Variants in SAP130 observed in about 807,000 individuals in gnomAD.
The protein encoded by SAP130 is histone deacetylase complex subunit SAP130.
In SAP130, 16 loss-of-function variants were observed where a neutral mutation model predicts 103.2. The ratio of observed to expected loss-of-function variants is 0.16; its 90% CI spans 0.10 to 0.24. The LOEUF is 0.24. Among genes scored for constraint, SAP130 ranks in the 10% least tolerant of loss-of-function variants. SAP130 has a pLI of 1.00. For missense variants in SAP130, 990 were observed against 1,359.7 expected (o/e 0.73, Z 4.28); for synonymous variants, 477 against 497.0 (o/e 0.96, Z 0.53).
intron 12 of SAP130, among the ~76,000 whole-genome samples, chr2:127,990,942 A>G (rs1162575415): frequency 6.6e-6 from 1 of 150,902 alleles, no homozygotes; most frequent in Non-Finnish European, 1.5e-5. Flanking sequence ...CTGTCTCAAA[A>G]AAAAAAAAAA....
intron 2 of SAP130, among the ~76,000 whole-genome samples, chr2:128,025,157 T>C (rs1037003452): frequency 8.5e-5 from 13 of 152,306 alleles, no homozygotes; most frequent in South Asian, 4.1e-4. Flanking sequence ...ACTTAATACA[T>C]AGAGAAAAAG....
chr2:127,951,059 T>C (rs1232011177), intron 16 of SAP130, among the ~76,000 whole-genome samples: 4 of 152,222 alleles, frequency 2.6e-5, no homozygotes, highest in African/African-American at 7.2e-5. Context: ...GTAAAAATCA[T>C]CTGAATAAGT....
chr2:127,958,850 G>A (rs1002163933), intron 15 of SAP130, among the ~76,000 whole-genome samples: 1 of 152,062 alleles, frequency 6.6e-6, no homozygotes, highest in African/African-American at 2.4e-5. Flanking sequence ...GTAAAGGCGG[G>A]GTTTCACCAT....
intron 7 of SAP130, among the ~76,000 whole-genome samples, chr2:128,004,971 G>T (rs1037112038): frequency 1.3e-5 from 2 of 152,162 alleles, no homozygotes; most frequent in Non-Finnish European, 2.9e-5. Flanking sequence ...TCCAAAACAG[G>T]ATCTATTTAA....
chr2:128,019,416 T>C lies in SAP130; in HGVS notation c.113-1501A>G, dbSNP rs369684977. Among the ~76,000 whole-genome samples, 48 of 152,212 alleles carry C rather than the reference T, an allele frequency of 3.2e-4. 1 individual carries two copies. The South Asian group carries it at 6.4e-3, about 20-fold the overall frequency. On this transcript the variant is annotated intron_variant, in intron 2 of 20. Coordinates refer to ENST00000643581, the MANE Select transcript of SAP130 (RefSeq NM_001330301.2). ...CCAAGCAGCTAAGACTACAGGCACA[T>C]GCCACCACACCTGGCTAATTCTTTT... is the stretch of plus-strand genomic sequence containing the variant.
In SAP130 at chr2:127,942,403, A is replaced by G; in HGVS notation, c.3015+21T>C. On this transcript the variant is annotated intron_variant, in intron 20 of 20. Transcript: ENST00000643581. This position sits in a 1 kb window ranked among gnomAD's most constrained non-coding sequence, Gnocchi z 4.8. ...CAACTTCATAAAGTAGATGATCAGAAGGGAAGGGGCGCACTCAAACCTGTA... is the reference window on the plus strand; with the variant it reads ...CAACTTCATAAAGTAGATGATCAGAGGGGAAGGGGCGCACTCAAACCTGTA... The G allele has an allele frequency of 6.6e-7, 1 of 1,516,350 alleles. No homozygotes were observed. The highest frequency in any genetic ancestry group is 9.2e-7 in the Non-Finnish European group (1 of 1,091,036). The allele number at this position is 1,516,350 out of a possible 1,614,324, so 93.9% of individuals were successfully genotyped here.
chr2:127,975,242 T>C (rs1489527714), intron 15 of SAP130, among the ~76,000 whole-genome samples: 1 of 152,194 alleles, frequency 6.6e-6, no homozygotes, highest in Non-Finnish European at 1.5e-5. Context: ...ATCCTAGTGA[T>C]AAACCAATGT....
chr2:127,992,191 C>T (rs1270186189), intron 12 of SAP130, among the ~76,000 whole-genome samples: 2 of 151,876 alleles, frequency 1.3e-5, no homozygotes, highest in Non-Finnish European at 2.9e-5. Context: ...AGGCTGGTCT[C>T]AAACTTTTGG....
At chr2:127,946,139 A>G (rs1315386290) in intron 18 of SAP130, among the ~76,000 whole-genome samples, 2 of 152,092 alleles carry the variant, frequency 1.3e-5, no homozygotes, top group Non-Finnish European at 2.9e-5. Context: ...TGGTTCAAAC[A>G]TTTTGCCGGA....
Position 127,967,725 on chromosome 2 carries a change from C to T in SAP130, c.2063+10260G>A, listed in dbSNP as rs926207216. On this transcript the variant is annotated intron_variant, in intron 15 of 20. Transcript: ENST00000643581. ...CTGGAGATTTCAATAACCCCACTTT[C>T]AATAATGGATGAAACATCCAGACAG... Among the ~76,000 whole-genome samples, 6 of 152,056 alleles carry T rather than the reference C, an allele frequency of 3.9e-5. No individual in the cohort carries two copies. In the East Asian group the frequency reaches 9.7e-4, roughly 25 times the overall value.
intron 15 of SAP130, among the ~76,000 whole-genome samples, chr2:127,967,412 T>C (rs1287887359): frequency 1.3e-5 from 2 of 152,200 alleles, no homozygotes; most frequent in Non-Finnish European, 2.9e-5. Context: ...TTTCTTTTCT[T>C]TTTTTGAGAC....
intron 7 of SAP130, among the ~76,000 whole-genome samples, chr2:128,010,064 G>A (rs539496085): frequency 3.4e-4 from 52 of 151,472 alleles, no homozygotes; most frequent in East Asian, 1.7e-3. Context: ...TATTTATCGC[G>A]TCTCCAGCCT....
At chr2:128,010,575 C>G (rs1301498576) in intron 6 of SAP130, among the ~76,000 whole-genome samples, 182 bp from the exon 7 acceptor site, 1 of 152,046 alleles carries the variant, frequency 6.6e-6, no homozygotes, top group Non-Finnish European at 1.5e-5. Flanking sequence ...GACCAAGAGC[C>G]AGGCCGGGCA....
At chr2:128,003,648 A>G (rs1683734402) in intron 7 of SAP130, among the ~76,000 whole-genome samples, 1 of 152,058 alleles carries the variant, frequency 6.6e-6, no homozygotes, top group African/African-American at 2.4e-5. Context: ...CGACAGGTCC[A>G]TAGTGACTCA....
At chr2:127,950,812 T>G (rs903771316) in intron 16 of SAP130, among the ~76,000 whole-genome samples, 2 of 152,192 alleles carry the variant, frequency 1.3e-5, no homozygotes, top group Non-Finnish European at 2.9e-5. Context: ...ACGAGATGGC[T>G]GCAGCATCAG....
Position 128,016,366 on chromosome 2 carries a change from A to G in SAP130, c.507+23T>C, listed in dbSNP as rs769338281. On this transcript the variant is annotated intron_variant, in intron 4 of 20. Coordinates refer to ENST00000643581, the MANE Select transcript of SAP130 (RefSeq NM_001330301.2). ...AGTTTGGCATTTCAGTTTGAAAATCAGCAAATTAAAAGGAAGAAAAACCTG... is the reference window on the plus strand; with the variant it reads ...AGTTTGGCATTTCAGTTTGAAAATCGGCAAATTAAAAGGAAGAAAAACCTG... 21 of 1,602,562 alleles carry G rather than the reference A, an allele frequency of 1.3e-5. 1 individual carries two copies. In the South Asian group the frequency reaches 2.3e-4, roughly 18 times the overall value.
chr2:127,994,299 G>C (rs971739696), intron 11 of SAP130, among the ~76,000 whole-genome samples: 1 of 152,202 alleles, frequency 6.6e-6, no homozygotes, highest in Admixed American at 6.5e-5. Flanking sequence ...GGGAGACTGA[G>C]GCAGGTGAAT....
intron 4 of SAP130, 88 bp from the exon 5 acceptor site, chr2:128,015,002 G>T: frequency 9.3e-7 from 1 of 1,075,920 alleles, no homozygotes; most frequent in Non-Finnish European, 1.4e-6. Flanking sequence ...ATGTGGGTCA[G>T]GTTGTTTTTT....
At position 127,955,064 on chromosome 2, in the gene SAP130, A is replaced by C. The variant is rs554778818; in HGVS notation, c.2344T>G (p.Ser782Ala). The change falls in exon 16 of 21, where the codon TCC becomes GCC. Residue 782 changes from serine to alanine, a missense_variant. By Grantham distance (99) the Ser-to-Ala change is moderately conservative. Around this residue, in one of 6 missense-constraint regions of SAP130, gnomAD observed 349 missense variants for 384.1 expected, o/e 0.91. Coordinates refer to ENST00000643581, the MANE Select transcript of SAP130 (RefSeq NM_001330301.2). This position sits in a 1 kb window ranked among gnomAD's most constrained non-coding sequence, Gnocchi z 4.9. ...PSVTVGGSLS[S>A]VLGPPVPEIK... is the part of the protein sequence containing the mutation. ...TCAGGAACGGGAGGGCCCAAGACGG[A>C]GGAAAGACTGCCACCCACAGTGACT... The C allele has an allele frequency of 1.9e-6, 3 of 1,614,128 alleles. No homozygotes were observed. Among genetic ancestry groups the C allele is most frequent in the Non-Finnish European group, 2.5e-6 (3 of 1,180,004 alleles).
Sources: gnomAD v4.1 joint callset for allele counts (sites outside exome capture counted in the v4.1 genomes callset) on GRCh38, gnomAD v4.1.1 for gene constraint, gnomAD v4.1.1 regional missense constraint, Gnocchi (gnomAD v3.1) non-coding constraint, MANE v1.5 for transcripts, NCBI Gene and HGNC (gene_info 2026-07-23, HGNC 2026-07-21) for gene names.